CSN1S1: variants seen among roughly 807,000 people sequenced by gnomAD.
CSN1S1 encodes the protein alpha-S1-casein.
Under a neutral mutation model 49.1 loss-of-function variants are expected in CSN1S1, and 63 were observed. The observed-to-expected ratio is 1.28, with a 90% CI of 1.05 to 1.58. The LOEUF (loss-of-function observed/expected upper bound fraction) is 1.58. CSN1S1 is among the 40% of genes most tolerant of loss of function. The probability of loss-of-function intolerance (pLI) is 0.00; values close to 1 mark genes in which losing one functional copy is unlikely to be tolerated. For missense variants in CSN1S1, 260 were observed against 224.7 expected (o/e 1.16, Z -1.01); for synonymous variants, 78 against 67.1 (o/e 1.16, Z -0.79).
At chr4:69,931,434 A>G (rs998907029) in intron 1 of CSN1S1, among the ~76,000 whole-genome samples, 7 of 151,958 alleles carry the variant, frequency 4.6e-5, no homozygotes, top group East Asian at 3.8e-4. Context: ...ACCTAATTCT[A>G]TGAGAAGTTG....
intron 7 of CSN1S1, 45 bp from the exon 8 acceptor site, chr4:69,937,076 C>A: frequency 2.0e-6 from 3 of 1,492,860 alleles, no homozygotes; most frequent in Non-Finnish European, 2.7e-6. Flanking sequence ...AAATATATAT[C>A]TTCTTAACAA....
At chr4:69,936,983 C>A in intron 7 of CSN1S1, 138 bp from the exon 8 acceptor site, 1 of 681,782 alleles carries the variant, frequency 1.5e-6, no homozygotes, top group Non-Finnish European at 2.5e-6. Flanking sequence ...TTTCTTTAAC[C>A]ATAACATCTT....
At chr4:69,932,713 T>C (rs368259070) in intron 2 of CSN1S1, 107 bp downstream of exon 2, 2 of 998,970 alleles carry the variant, frequency 2.0e-6, no homozygotes, top group South Asian at 1.4e-5. Context: ...CACTGGATGA[T>C]CTCTAATTGG....
chr4:69,937,396 T>C (rs965044127), intron 8 of CSN1S1, among the ~76,000 whole-genome samples: 57 of 146,994 alleles, frequency 3.9e-4, no homozygotes, highest in African/African-American at 1.3e-3. Context: ...ACATACTAGA[T>C]GGAGCAAGTT....
At chr4:69,932,216 A>G (rs573365245) in intron 1 of CSN1S1, among the ~76,000 whole-genome samples, 10 of 151,874 alleles carry the variant, frequency 6.6e-5, no homozygotes, top group African/African-American at 2.2e-4. Flanking sequence ...ATTGTATTTC[A>G]ATATTAGCAC....
intron 12 of CSN1S1, among the ~76,000 whole-genome samples, chr4:69,941,471 A>G (rs904913751): frequency 1.3e-5 from 2 of 151,902 alleles, no homozygotes; most frequent in Non-Finnish European, 2.9e-5. Context: ...AATGCTAAAC[A>G]TCAGATTTGC....
chr4:69,935,785 A>G (rs1459245920), intron 4 of CSN1S1, 141 bp from the exon 5 acceptor site: 3 of 657,220 alleles, frequency 4.6e-6, no homozygotes, highest in East Asian at 2.8e-5. Context: ...TATAAATAAT[A>G]CATATGTGTC....
At chr4:69,945,045 A>C (rs1441360738) in intron 15 of CSN1S1, 41 bp downstream of exon 15, 1 of 1,600,724 alleles carries the variant, frequency 6.2e-7, no homozygotes, top group Non-Finnish European at 8.6e-7. Flanking sequence ...GTTCTACCAA[A>C]GGAATGAAAT....
intron 3 of CSN1S1, 68 bp downstream of exon 3, chr4:69,934,312 T>A: frequency 2.1e-6 from 3 of 1,438,302 alleles, no homozygotes; most frequent in Non-Finnish European, 2.9e-6. Flanking sequence ...AATGTGCGCT[T>A]CCCTTCTCTA....
intron 14 of CSN1S1, 65 bp from the exon 15 acceptor site, chr4:69,944,785 T>G (rs565778327): frequency 1.1e-5 from 17 of 1,518,954 alleles, no homozygotes; most frequent in Non-Finnish European, 1.5e-5. Context: ...TGTATTGATA[T>G]TTTTCAGGGA....
chr4:69,939,847 T>A (rs1722917472), intron 10 of CSN1S1, among the ~76,000 whole-genome samples, 174 bp from the exon 11 acceptor site: 1 of 151,726 alleles, frequency 6.6e-6, no homozygotes, highest in Non-Finnish European at 1.5e-5. Context: ...GGAAAAGCAA[T>A]GTGATTATAA....
At chr4:69,941,117 T>C in intron 12 of CSN1S1, 57 bp downstream of exon 12, 1 of 725,948 alleles carries the variant, frequency 1.4e-6, no homozygotes, top group Non-Finnish European at 2.1e-6. Context: ...TTAAAACATA[T>C]TAAATTTTAA....
At chr4:69,946,080 T>C (rs1348900294) in intron 15 of CSN1S1, 116 bp from the exon 16 acceptor site, 1 of 347,378 alleles carries the variant, frequency 2.9e-6, no homozygotes, top group East Asian at 4.2e-5. Context: ...ATAAATAACA[T>C]TGTGAGCTTG....
At position 69,932,603 on chromosome 4, in the gene CSN1S1, GC is replaced by G; in HGVS notation, c.50del (p.Pro17LeufsTer23). The G allele has an allele frequency of 1.3e-6, 2 of 1,596,954 alleles. No individual in the cohort carries two copies. The highest frequency in any genetic ancestry group is 3.3e-4 in the Middle Eastern group (2 of 6,040). On this transcript the variant is annotated frameshift_variant and splice_region_variant, in exon 2 of 16. Coordinates refer to ENST00000246891, the MANE Select transcript of CSN1S1 (RefSeq NM_001890.2). LOFTEE classifies it high-confidence loss of function. ...TCLVAVALAR[P>X]KLPLRYPERL... ...GTCTTGTGGCTGTTGCTCTTGCCAGGCCTGTAAGTTCAGTAGAGAATTTAGA... is the reference window on the plus strand; with the variant it reads ...GTCTTGTGGCTGTTGCTCTTGCCAGGCTGTAAGTTCAGTAGAGAATTTAGA...
chr4:69,944,903 T>C lies in CSN1S1; in HGVS notation c.456T>C (p.Tyr152=). The change falls in exon 15 of 16, where the codon TAT becomes TAC. Residue 152 remains tyrosine, a synonymous_variant. Transcript: ENST00000246891. The part of the protein sequence containing the change: ...LAAYPYAVWY[Y]PQIMQYVPFP... The stretch of plus-strand genomic sequence containing the variant: ...CCTACCCCTATGCTGTTTGGTACTA[T>C]CCACAAATCATGCAGTATGTTCCTT... 4 of 1,612,984 alleles carry C rather than the reference T, an allele frequency of 2.5e-6. No homozygotes were observed. The highest frequency in any genetic ancestry group is 3.4e-6 in the Non-Finnish European group (4 of 1,179,260).
intron 14 of CSN1S1, among the ~76,000 whole-genome samples, chr4:69,943,868 A>G (rs1213857812): frequency 6.6e-6 from 1 of 152,042 alleles, no homozygotes; most frequent in African/African-American, 2.4e-5. Context: ...TTAATTTGTG[A>G]GAGCAGAGCC....
intron 12 of CSN1S1, among the ~76,000 whole-genome samples, chr4:69,941,406 G>A (rs1578136418): frequency 6.6e-6 from 1 of 151,948 alleles, no homozygotes; most frequent in East Asian, 1.9e-4. Flanking sequence ...TCACAGATAT[G>A]TCAAATAAAC....
At chr4:69,939,099 C>G in intron 9 of CSN1S1, 77 bp from the exon 10 acceptor site, 1 of 1,041,814 alleles carries the variant, frequency 9.6e-7, no homozygotes, top group South Asian at 1.5e-5. Flanking sequence ...AGCATTTCAC[C>G]ATGATGACAT....
intron 9 of CSN1S1, among the ~76,000 whole-genome samples, chr4:69,938,792 G>A (rs1052925850): frequency 2.6e-5 from 4 of 151,658 alleles, no homozygotes; most frequent in Middle Eastern, 3.4e-3. Context: ...GAAGCCCCAA[G>A]GACAGATGAG....
Sources: allele counts gnomAD v4.1 joint callset (sites outside exome capture counted in the v4.1 genomes callset), GRCh38; gene constraint gnomAD v4.1.1; transcripts MANE v1.5; gene names NCBI Gene and HGNC (gene_info 2026-07-23, HGNC 2026-07-21).